Variants in FOXP1 observed in about 807,000 individuals in gnomAD.
FOXP1 encodes the protein forkhead box protein P1.
Under a neutral mutation model 98.2 loss-of-function variants are expected in FOXP1, and 15 were observed. That is an observed-to-expected ratio of 0.15 (90% CI 0.10 to 0.24). The LOEUF (loss-of-function observed/expected upper bound fraction) is 0.24. Ranked by LOEUF, FOXP1 falls within the 10% of genes least tolerant of loss-of-function variation. The pLI is 1.00. For missense variants in FOXP1, 633 were observed against 848.5 expected, an observed-to-expected ratio of 0.75 and a Z score of 3.15; for synonymous variants, 371 against 314.5, an observed-to-expected ratio of 1.18 and a Z score of -1.90.
At chr3:71,239,096 AAGT>A (rs906981787) in intron 5 of FOXP1, among the ~76,000 whole-genome samples, 19 of 152,102 alleles carry the variant, frequency 1.2e-4, no homozygotes, top group Non-Finnish European at 2.2e-4. Flanking sequence ...ACCTTCCTAA[AAGT>A]AGGAAATTTC....
intron 3 of FOXP1, among the ~76,000 whole-genome samples, chr3:71,413,300 G>C (rs1248433232): frequency 1.7e-3 from 159 of 93,818 alleles, no homozygotes; most frequent in African/African-American, 5.8e-3. Flanking sequence ...ACCCAAAACA[G>C]CCAACCAGTA....
At chr3:71,433,568 G>C (rs1049799281) in intron 3 of FOXP1, among the ~76,000 whole-genome samples, 24 of 152,094 alleles carry the variant, frequency 1.6e-4, no homozygotes, top group African/African-American at 5.8e-4. Context: ...AAGGGGGAAG[G>C]GTCTGTAAAC....
chr3:71,474,464 C>T (rs765602796), intron 3 of FOXP1, among the ~76,000 whole-genome samples: 5 of 152,194 alleles, frequency 3.3e-5, no homozygotes, highest in Non-Finnish European at 5.9e-5. Context: ...GTTTCCGTGG[C>T]CTGTTAGAAG....
At chr3:71,559,288 T>C (rs1011615275) in intron 2 of FOXP1, among the ~76,000 whole-genome samples, 1 of 152,230 alleles carries the variant, frequency 6.6e-6, no homozygotes, top group Non-Finnish European at 1.5e-5. Flanking sequence ...TAAGCCTGTT[T>C]GGTAAGAATT....
At chr3:71,000,911 C>T (rs1178655370) in intron 13 of FOXP1, 61 bp downstream of exon 13, 14 of 1,084,360 alleles carry the variant, frequency 1.3e-5, no homozygotes, top group Non-Finnish European at 1.9e-5. Flanking sequence ...TTACAGAACA[C>T]TACAGAAATC....
intron 6 of FOXP1, among the ~76,000 whole-genome samples, chr3:71,126,009 A>G (rs1042513926): frequency 4.6e-5 from 7 of 152,250 alleles, no homozygotes; most frequent in Non-Finnish European, 1.0e-4. Context: ...TGCATAGTCT[A>G]GAGCCTCACA....
At chr3:71,511,106 G>A (rs1416535975) in intron 2 of FOXP1, among the ~76,000 whole-genome samples, 1 of 152,090 alleles carries the variant, frequency 6.6e-6, no homozygotes, top group African/African-American at 2.4e-5. Context: ...TCTAAATTAA[G>A]TCAAATAGTG....
chr3:71,560,242 GACT>G (rs1300882368), intron 2 of FOXP1, among the ~76,000 whole-genome samples: 3 of 152,174 alleles, frequency 2.0e-5, no homozygotes, highest in Admixed American at 6.5e-5. Context: ...TGTGTAATGT[GACT>G]ACGATTGACT....
Position 70,958,672 on chromosome 3 carries a change from G to C in FOXP1, c.*575C>G. 1 of 164,826 alleles carries C rather than the reference G, an allele frequency of 6.1e-6. No individual in the cohort carries two copies. Among genetic ancestry groups the C allele is most frequent in the East Asian group, 1.0e-4 (1 of 9,974 alleles). The allele number at this position is 164,826 out of a possible 1,614,324, so 10.2% of individuals were successfully genotyped here. ...AAAAGCAATACATTAAAAAGTTTGG[G>C]ATAATTATTTTTTAACCCCTCCCCC... On this transcript the variant is annotated 3_prime_UTR_variant, in exon 21 of 21. Transcript: ENST00000649528.
At position 71,393,582 on chromosome 3, in the gene FOXP1, A is replaced by G. The variant is rs76434765; in HGVS notation, c.-167-34338T>C. 7.7e-4 allele frequency among the ~76,000 whole-genome samples: 117 copies of G among 152,322 alleles called. 2 individuals are homozygous for G. In the East Asian group the frequency reaches 0.02, roughly 26 times the overall value. On this transcript the variant is annotated intron_variant, in intron 3 of 20. Transcript: ENST00000649528. ...AAAAATAGTCTTTTCAAGCTGACAT[A>G]GCCCATTTCCAGGGTCATATTTAAA...
At chr3:71,524,282 T>TGAATCAG (rs1560604874) in intron 2 of FOXP1, among the ~76,000 whole-genome samples, 1 of 152,042 alleles carries the variant, frequency 6.6e-6, no homozygotes, top group Non-Finnish European at 1.5e-5. Context: ...GAGAATCACT[T>TGAATCAG]GAATCAGGAA....
chr3:70,977,632 T>G lies in FOXP1; in HGVS notation c.1428+11A>C, dbSNP rs758621809. 10 of 1,596,850 alleles carry G rather than the reference T, an allele frequency of 6.3e-6. No individual in the cohort carries two copies. Among genetic ancestry groups the G allele is most frequent in the South Asian group, 1.1e-5 (1 of 90,672 alleles). On this transcript the variant is annotated intron_variant, in intron 16 of 20. Coordinates refer to ENST00000649528, the MANE Select transcript of FOXP1 (RefSeq NM_001349338.3). ...TCTGACAGAATTTCATATACTGTGT[T>G]ATTTACTTACCTGCCTAATTAAAGA... is the stretch of plus-strand genomic sequence containing the variant.
At chr3:70,987,936 G>A in intron 14 of FOXP1, 58 bp downstream of exon 14, 4 of 1,518,782 alleles carry the variant, frequency 2.6e-6, no homozygotes, top group Non-Finnish European at 3.7e-6. Flanking sequence ...GGGTGGGGAA[G>A]TAGAAAAGGA....
intron 5 of FOXP1, among the ~76,000 whole-genome samples, chr3:71,244,504 A>AAG (rs1274652742): frequency 1.4e-4 from 1 of 7,104 alleles, no homozygotes; most frequent in Non-Finnish European, 2.7e-4. Flanking sequence ...TGAAAAAGGG[A>AAG]AAAAAAAAAA....
At chr3:71,117,155 A>G (rs2058433345) in intron 6 of FOXP1, among the ~76,000 whole-genome samples, 1 of 151,806 alleles carries the variant, frequency 6.6e-6, no homozygotes, top group Admixed American at 6.6e-5. Context: ...TAGCACAATC[A>G]CGGCTCACTG....
At chr3:71,437,236 G>A (rs56207020) in intron 3 of FOXP1, among the ~76,000 whole-genome samples, 86,117 of 151,846 alleles carry the variant, frequency 0.57, 27,962 homozygotes, top group Non-Finnish European at 0.75. Flanking sequence ...ATGAAAACCC[G>A]TCTCTATGAA....
intron 3 of FOXP1, among the ~76,000 whole-genome samples, chr3:71,388,829 G>C (rs2080801249): frequency 6.6e-6 from 1 of 152,086 alleles, no homozygotes; most frequent in African/African-American, 2.4e-5. Flanking sequence ...GAAAAATTTT[G>C]TCCCTAGCTA....
intron 4 of FOXP1, among the ~76,000 whole-genome samples, chr3:71,300,795 C>T (rs772058365): frequency 3.9e-5 from 6 of 152,070 alleles, no homozygotes; most frequent in Non-Finnish European, 8.8e-5. Flanking sequence ...ATCATTTTAC[C>T]AAAATGTTAA....
At chr3:71,019,354 T>C (rs2045042143) in intron 11 of FOXP1, among the ~76,000 whole-genome samples, 1 of 152,156 alleles carries the variant, frequency 6.6e-6, no homozygotes, top group African/African-American at 2.4e-5. Context: ...GCTGTCAGGG[T>C]CAGTGATGAA....
Sources: allele counts gnomAD v4.1 joint callset (sites outside exome capture counted in the v4.1 genomes callset), GRCh38; gene constraint gnomAD v4.1.1; transcripts MANE v1.5; gene names NCBI Gene and HGNC (gene_info 2026-07-23, HGNC 2026-07-21).